The following CHD9NB variants were observed in gnomAD, a reference collection of about 807,000 sequenced individuals.
The protein encoded by CHD9NB is CHD9 neighbor.
chr16:53,041,173 G>A, the CHD9NB span, among the ~76,000 whole-genome samples: 1 of 152,250 alleles, frequency 6.6e-6, no homozygotes, highest in African/African-American at 2.4e-5. Context: ...GGATAGATAC[G>A]TTAACTAATA....
the CHD9NB span, among the ~76,000 whole-genome samples, chr16:53,042,330 T>G: frequency 7.8e-3 from 1,081 of 137,890 alleles, 2 homozygotes; most frequent in Middle Eastern, 0.023. Context: ...CTTCTCTCCC[T>G]CTCCCATTCT....
chr16:53,049,342 G>C, the CHD9NB span, among the ~76,000 whole-genome samples: 2 of 150,792 alleles, frequency 1.3e-5, no homozygotes, highest in African/African-American at 4.9e-5. Flanking sequence ...GTGTGTGTGT[G>C]TGTGTGTGTG....
At chr16:53,040,208 T>C in the CHD9NB span, among the ~76,000 whole-genome samples, 1 of 152,072 alleles carries the variant, frequency 6.6e-6, no homozygotes, top group African/African-American at 2.4e-5. Flanking sequence ...TAGCTGGGAT[T>C]ACAGGCACGC....
the CHD9NB span, among the ~76,000 whole-genome samples, chr16:53,045,891 A>T: frequency 1.3e-5 from 2 of 152,100 alleles, no homozygotes; most frequent in African/African-American, 2.4e-5. Flanking sequence ...AGAGCCTGTG[A>T]TCTTCCCACT....
the CHD9NB span, among the ~76,000 whole-genome samples, chr16:53,045,442 A>G: frequency 1.3e-5 from 2 of 152,164 alleles, no homozygotes; most frequent in African/African-American, 4.8e-5. Context: ...CTCGTGTTCT[A>G]TGGAACTGGA....
the CHD9NB span, among the ~76,000 whole-genome samples, chr16:53,048,605 G>A: frequency 6.6e-6 from 1 of 152,164 alleles, no homozygotes; most frequent in South Asian, 2.1e-4. Context: ...AAAAGCGCTT[G>A]CCACTCATTT....
chr16:53,037,636 T>G, the CHD9NB span, among the ~76,000 whole-genome samples: 1 of 152,206 alleles, frequency 6.6e-6, no homozygotes, highest in African/African-American at 2.4e-5. Flanking sequence ...GCTGTAATTT[T>G]GGGAGGCTCT....
chr16:53,050,118 C>A, the CHD9NB span, among the ~76,000 whole-genome samples: 1 of 151,950 alleles, frequency 6.6e-6, no homozygotes. Context: ...GCAGGAGAAT[C>A]GCTTGAACTG....
At chr16:53,050,376 C>A in the CHD9NB span, among the ~76,000 whole-genome samples, 2 of 151,850 alleles carry the variant, frequency 1.3e-5, no homozygotes, top group Non-Finnish European at 2.9e-5. Context: ...GACATGATGG[C>A]ACACACCTGT....
the CHD9NB span, among the ~76,000 whole-genome samples, chr16:53,049,430 T>C: frequency 6.6e-6 from 1 of 151,966 alleles, no homozygotes; most frequent in Middle Eastern, 3.4e-3. Context: ...CCTGCCTCGG[T>C]CTCCCAAAGT....
the CHD9NB span, among the ~76,000 whole-genome samples, chr16:53,047,747 C>T: frequency 6.6e-6 from 1 of 152,106 alleles, no homozygotes; most frequent in Non-Finnish European, 1.5e-5. Flanking sequence ...CTTGTAATCT[C>T]AGCAGTTTGG....
the CHD9NB span, among the ~76,000 whole-genome samples, chr16:53,042,575 G>T: frequency 4.2e-5 from 4 of 94,420 alleles, no homozygotes; most frequent in African/African-American, 1.7e-4. Flanking sequence ...TTCCCTCTCC[G>T]TCTCTTCCTC....
chr16:53,040,111 A>C, the CHD9NB span, among the ~76,000 whole-genome samples: 148,386 of 152,096 alleles, frequency 0.98, 72,467 homozygotes, highest in Middle Eastern at 1. Flanking sequence ...TGTCGCCAGG[A>C]TAGAGTGCAT....
the CHD9NB span, among the ~76,000 whole-genome samples, chr16:53,046,225 C>T: frequency 6.6e-6 from 1 of 151,960 alleles, no homozygotes; most frequent in South Asian, 2.1e-4. Flanking sequence ...CCTTTGAAGC[C>T]TCCAAATTAA....
the CHD9NB span, among the ~76,000 whole-genome samples, chr16:53,037,435 CA>C: frequency 6.6e-6 from 1 of 152,096 alleles, no homozygotes; most frequent in Non-Finnish European, 1.5e-5. Flanking sequence ...TCGGAGTTTC[CA>C]TAATAGAAAA....
chr16:53,051,766 T>TAA, the CHD9NB span, among the ~76,000 whole-genome samples: 2 of 67,224 alleles, frequency 3.0e-5, no homozygotes, highest in African/African-American at 1.0e-4. Flanking sequence ...CTTAAAAGTA[T>TAA]AAATATATAT....
chr16:53,039,681 G>A, the CHD9NB span, among the ~76,000 whole-genome samples: 2 of 151,904 alleles, frequency 1.3e-5, no homozygotes, highest in Non-Finnish European at 2.9e-5. Context: ...GGAGGCAGGG[G>A]TTGCAGTGAG....
At chr16:53,039,708 G>GCACT in the CHD9NB span, among the ~76,000 whole-genome samples, 1 of 150,450 alleles carries the variant, frequency 6.6e-6, no homozygotes, top group African/African-American at 2.5e-5. Context: ...TTGTGCTACT[G>GCACT]CACTCCAGCC....
At chr16:53,035,961 T>C in the CHD9NB span, 2 of 148,974 alleles carry the variant, frequency 1.3e-5, no homozygotes, top group Non-Finnish European at 3.0e-5. Context: ...TGAGACCCTT[T>C]CTAAAAAAAA....
Sources: gnomAD v4.1 joint callset for allele counts (sites outside exome capture counted in the v4.1 genomes callset) on GRCh38, gnomAD v4.1.1 for gene constraint, MANE v1.5 for transcripts, NCBI Gene and HGNC (gene_info 2026-07-23, HGNC 2026-07-21) for gene names.